The following RYR2 variants were observed in gnomAD, a reference collection of about 807,000 sequenced individuals.
The protein encoded by RYR2 is cardiac muscle ryanodine receptor-calcium release channel.
A neutral mutation model predicts 601.1 loss-of-function variants in RYR2; 227 were observed. That is an observed-to-expected ratio of 0.38 (90% CI 0.34 to 0.42). The LOEUF (loss-of-function observed/expected upper bound fraction) is 0.42, where lower values mean the gene tolerates loss of function less well. RYR2 is among the 10% of genes least tolerant of loss of function. The probability of loss-of-function intolerance (pLI) is 1.00; values close to 1 mark genes in which losing one functional copy is unlikely to be tolerated. For missense variants in RYR2, 4,646 were observed against 6,156.5 expected (o/e 0.75, Z 8.21); for synonymous variants, 2,223 against 2,175.1 (o/e 1.02, Z -0.61).
At chr1:237,811,612 C>T (rs771308403) in intron 100 of RYR2, among the ~76,000 whole-genome samples, 2 of 152,100 alleles carry the variant, frequency 1.3e-5, no homozygotes, top group African/African-American at 2.4e-5. Context: ...TAATAGCTTG[C>T]TGACATAAAA....
intron 63 of RYR2, among the ~76,000 whole-genome samples, chr1:237,697,489 T>A (rs1258625110): frequency 6.9e-6 from 1 of 144,872 alleles, no homozygotes; most frequent in Non-Finnish European, 1.5e-5. Context: ...TATAGAAATA[T>A]ATATTATATA....
intron 80 of RYR2, among the ~76,000 whole-genome samples, chr1:237,747,795 C>T (rs532108142): frequency 1.2e-4 from 18 of 152,132 alleles, no homozygotes; most frequent in Admixed American, 3.3e-4. Context: ...GATATAGCTA[C>T]GGATATAAAA....
rs758086694 is a variant in RYR2 at position 237,639,199 on chromosome 1, A to G, written c.7113A>G (p.Thr2371=). 1.2e-6 allele frequency: 2 copies of G among 1,611,018 alleles called. No individual in the cohort carries two copies. Among genetic ancestry groups the G allele is most frequent in the Non-Finnish European group, 1.7e-6 (2 of 1,177,966 alleles). The change falls in exon 46 of 105, where the codon ACA becomes ACG. Residue 2371 remains threonine (T), a splice_region_variant and synonymous_variant. Transcript: ENST00000366574. ...CACCAAATAGCGGATCCAGTAAAAC[A>G]CTGTAGGTCTAATATACACACCCTC... ...GPSPNSGSSK[T]LDTEEEEDDT...
intron 17 of RYR2, among the ~76,000 whole-genome samples, 187 bp downstream of exon 17, chr1:237,469,374 A>G (rs776933589): frequency 6.6e-5 from 10 of 151,144 alleles, no homozygotes; most frequent in Admixed American, 4.6e-4. Context: ...TTGAGGCTGT[A>G]GTGCACTATG....
chr1:237,260,844 T>C (rs1688439797), intron 1 of RYR2, among the ~76,000 whole-genome samples: 1 of 152,194 alleles, frequency 6.6e-6, no homozygotes. Context: ...GGAACAATGA[T>C]AAACAATGTG....
chr1:237,750,773 A>G (rs988078222), intron 80 of RYR2, among the ~76,000 whole-genome samples: 3 of 152,144 alleles, frequency 2.0e-5, no homozygotes, highest in African/African-American at 7.2e-5. Context: ...TGCAGATGCT[A>G]CCTGAAGATG....
In RYR2 at chr1:237,411,238, T is replaced by C. The variant is rs181273593; in HGVS notation, c.774-5811T>C. Among the ~76,000 whole-genome samples the C allele has an allele frequency of 1.0e-3, 158 of 152,238 alleles. 1 individual carries two copies. Among genetic ancestry groups the C allele is most frequent in the African/African-American group, 3.6e-3 (149 of 41,542 alleles). On this transcript the variant is annotated intron_variant, in intron 10 of 104. Coordinates refer to ENST00000366574, the MANE Select transcript of RYR2 (RefSeq NM_001035.3). The stretch of plus-strand genomic sequence containing the variant: ...CAAGAAGCACCTAGTTAAGATACAC[T>C]GTATTCCTGACCCATAGAAACAGTA...
At chr1:237,776,827 G>GCCTGGC (rs1164661016) in intron 87 of RYR2, among the ~76,000 whole-genome samples, 23 of 152,128 alleles carry the variant, frequency 1.5e-4, no homozygotes, top group Non-Finnish European at 2.6e-4. Context: ...TAACGTGCGA[G>GCCTGGC]CCTGGCCCTC....
chr1:237,366,488 A>C (rs927621899), intron 5 of RYR2, among the ~76,000 whole-genome samples: 2 of 151,926 alleles, frequency 1.3e-5, no homozygotes, highest in South Asian at 4.2e-4. Context: ...TGCAACCTGG[A>C]ACTCCTGGGC....
intron 73 of RYR2, among the ~76,000 whole-genome samples, chr1:237,721,955 T>C (rs1231359437): frequency 6.6e-6 from 1 of 152,246 alleles, no homozygotes; most frequent in East Asian, 1.9e-4. Flanking sequence ...AGATTTCATA[T>C]ACGTTTTTCA....
At chr1:237,122,707 A>G (rs1250351935) in intron 1 of RYR2, among the ~76,000 whole-genome samples, 1 of 152,066 alleles carries the variant, frequency 6.6e-6, no homozygotes, top group Non-Finnish European at 1.5e-5. Context: ...CAAACAAACA[A>G]ACAAACAAAA....
intron 1 of RYR2, among the ~76,000 whole-genome samples, chr1:237,197,515 C>T (rs1680701602): frequency 6.6e-6 from 1 of 152,044 alleles, no homozygotes; most frequent in African/African-American, 2.4e-5. Context: ...TGAAAAAGAC[C>T]TAACAGTTTT....
At chr1:237,704,087 A>T (rs959410068) in intron 66 of RYR2, among the ~76,000 whole-genome samples, 1 of 152,108 alleles carries the variant, frequency 6.6e-6, no homozygotes, top group African/African-American at 2.4e-5. Flanking sequence ...TTTGAAGCTT[A>T]TAACTTTTCT....
intron 4 of RYR2, among the ~76,000 whole-genome samples, chr1:237,362,693 C>T (rs1699878603): frequency 6.6e-6 from 1 of 152,116 alleles, no homozygotes; most frequent in Non-Finnish European, 1.5e-5. Context: ...GCACTTAAAC[C>T]AATTTGAACA....
rs763196179 is a variant in RYR2, at chr1:237,772,019, G to A, written c.11565G>A (p.Gln3855=). Residue 3855 remains glutamine, a synonymous_variant, in exon 86 of 105, where the codon CAG becomes CAA. Coordinates refer to ENST00000366574, the MANE Select transcript of RYR2 (RefSeq NM_001035.3). ...LLCEGHNSDF[Q]NYLRTQTGNN... is the part of the protein sequence containing the mutation. ...TTTTTTTATCTTGCATAGATTTTCA[G>A]AATTATCTGAGAACTCAGACTGGCA... is the stretch of plus-strand genomic sequence containing the variant. The A allele has an allele frequency of 4.6e-6, 7 of 1,523,114 alleles. No individual in the cohort carries two copies. Among genetic ancestry groups the A allele is most frequent in the Non-Finnish European group, 6.3e-6 (7 of 1,119,262 alleles). 94.3% of individuals were successfully genotyped at this position (1,523,114 alleles called of 1,614,324 possible).
intron 1 of RYR2, among the ~76,000 whole-genome samples, chr1:237,225,776 G>T (rs1420535256): frequency 6.6e-6 from 1 of 152,140 alleles, no homozygotes; most frequent in Non-Finnish European, 1.5e-5. Context: ...TCCCCTGTAG[G>T]CAGAGCACGG....
At chr1:237,053,910 T>A (rs1372647331) in intron 1 of RYR2, among the ~76,000 whole-genome samples, 1 of 152,114 alleles carries the variant, frequency 6.6e-6, no homozygotes, top group Non-Finnish European at 1.5e-5. Flanking sequence ...GGGATCAGGG[T>A]CTAACCCCTT....
intron 11 of RYR2, among the ~76,000 whole-genome samples, chr1:237,420,476 C>T (rs1245191940): frequency 6.6e-6 from 1 of 152,150 alleles, no homozygotes; most frequent in Non-Finnish European, 1.5e-5. Flanking sequence ...AACTCCATTA[C>T]TATTGCCAAT....
intron 10 of RYR2, among the ~76,000 whole-genome samples, chr1:237,404,121 G>GC (rs977688490): frequency 6.6e-6 from 1 of 152,148 alleles, no homozygotes; most frequent in Non-Finnish European, 1.5e-5. Context: ...AGGCCTGGTG[G>GC]CATGCACCTG....
Sources: allele counts gnomAD v4.1 joint callset (sites outside exome capture counted in the v4.1 genomes callset), GRCh38; gene constraint gnomAD v4.1.1; transcripts MANE v1.5; gene names NCBI Gene and HGNC (gene_info 2026-07-23, HGNC 2026-07-21).